The following KCNG2 variants were observed in gnomAD, a reference collection of about 807,000 sequenced individuals.
The protein encoded by KCNG2 is voltage-gated potassium channel regulatory subunit KCNG2.
In KCNG2, 7 loss-of-function variants were observed where a neutral mutation model predicts 12.3. That is an observed-to-expected ratio of 0.57 (90% CI 0.32 to 1.07). The LOEUF is 1.07. Ranked by LOEUF, KCNG2 falls within the 50% of genes least tolerant of loss-of-function variation. The pLI, the probability that KCNG2 is intolerant of heterozygous loss-of-function variation, is 0.04. For synonymous variants in KCNG2, 414 were observed against 351.4 expected (o/e 1.18, Z -1.99); for missense variants, 703 against 726.0 (o/e 0.97, Z 0.36).
intron 3 of KCNG2, among the ~76,000 whole-genome samples, chr18:79,866,673 CTG>C: frequency 2.0e-5 from 1 of 50,024 alleles, no homozygotes; most frequent in East Asian, 8.1e-4. Flanking sequence ...GGTCTGGGTG[CTG>C]AGAGGTCTGG....
At chr18:79,820,833 G>A (rs1009722939) in intron 1 of KCNG2, among the ~76,000 whole-genome samples, 4 of 151,916 alleles carry the variant, frequency 2.6e-5, no homozygotes, top group Non-Finnish European at 5.9e-5. Flanking sequence ...ATTTTTTGTA[G>A]AGAGAGGGTC....
At chr18:79,823,186 C>T (rs2087584934) in intron 1 of KCNG2, among the ~76,000 whole-genome samples, 1 of 152,216 alleles carries the variant, frequency 6.6e-6, no homozygotes, top group Non-Finnish European at 1.5e-5. Context: ...TCGTGGCAGG[C>T]CTTACAGACC....
At chr18:79,835,537 G>A (rs772525041) in intron 1 of KCNG2, among the ~76,000 whole-genome samples, 18 of 152,210 alleles carry the variant, frequency 1.2e-4, no homozygotes, top group Non-Finnish European at 1.9e-4. Flanking sequence ...AATGGAATGG[G>A]AAACTCAATG....
At chr18:79,888,435 CCGGGACGGCGGCG>C (rs1568272189) in intron 3 of KCNG2, among the ~76,000 whole-genome samples, 25 of 136,468 alleles carry the variant, frequency 1.8e-4, no homozygotes, top group Admixed American at 8.0e-4. Context: ...CGCGGTGGGG[CCGGGACGGCGGCG>C]TCCTCCTCAT....
chr18:79,801,978 G>T (rs8091998), intron 1 of KCNG2, among the ~76,000 whole-genome samples: 29,831 of 152,162 alleles, frequency 0.2, 3,068 homozygotes, highest in Non-Finnish European at 0.22. Flanking sequence ...CAGGTGGTGG[G>T]TCAGGGTGGG....
At chr18:79,892,113 T>TAAAA (rs35997999) in intron 3 of KCNG2, among the ~76,000 whole-genome samples, 1 of 123,660 alleles carries the variant, frequency 8.1e-6, no homozygotes, top group Non-Finnish European at 1.7e-5. Flanking sequence ...AGACTCCGTC[T>TAAAA]AAAAAAAAAA....
At chr18:79,887,872 C>T (rs977345435) in intron 3 of KCNG2, among the ~76,000 whole-genome samples, 7 of 152,134 alleles carry the variant, frequency 4.6e-5, no homozygotes, top group African/African-American at 1.4e-4. Flanking sequence ...CCTTGAATGT[C>T]GATCAAGACT....
intron 3 of KCNG2, among the ~76,000 whole-genome samples, chr18:79,870,534 C>T (rs1979788785): frequency 6.6e-6 from 1 of 152,220 alleles, no homozygotes; most frequent in Non-Finnish European, 1.5e-5. Context: ...ATGGTGTGAG[C>T]ACCCACGGGC....
chr18:79,838,956 A>G (rs1978380347), intron 1 of KCNG2, among the ~76,000 whole-genome samples: 1 of 152,182 alleles, frequency 6.6e-6, no homozygotes, highest in Non-Finnish European at 1.5e-5. Context: ...CAGTAGAACA[A>G]TAGGGAAAAG....
At chr18:79,868,174 AG>A (rs1312597042) in intron 3 of KCNG2, among the ~76,000 whole-genome samples, 2 of 152,204 alleles carry the variant, frequency 1.3e-5, no homozygotes, top group African/African-American at 4.8e-5. Context: ...AAGTCACCCC[AG>A]GAACACCAGC....
intron 1 of KCNG2, among the ~76,000 whole-genome samples, chr18:79,820,226 C>T (rs376872863): frequency 2.0e-5 from 3 of 152,340 alleles, no homozygotes; most frequent in African/African-American, 7.2e-5. Context: ...TTTTCACTTC[C>T]TCCCCACCTT....
chr18:79,855,930 C>T (rs1309260426), intron 1 of KCNG2, among the ~76,000 whole-genome samples: 1 of 152,112 alleles, frequency 6.6e-6, no homozygotes, highest in Non-Finnish European at 1.5e-5. Context: ...TTGATGTGAA[C>T]TTTATGTCAG....
intron 1 of KCNG2, among the ~76,000 whole-genome samples, chr18:79,817,860 C>T (rs2087541629): frequency 6.6e-6 from 1 of 152,230 alleles, no homozygotes; most frequent in Non-Finnish European, 1.5e-5. Context: ...TCTCTCATTC[C>T]TGGTTTGAGC....
intron 3 of KCNG2, among the ~76,000 whole-genome samples, chr18:79,875,425 C>G (rs1980029464): frequency 6.6e-6 from 1 of 152,228 alleles, no homozygotes; most frequent in African/African-American, 2.4e-5. Flanking sequence ...CTTCACTGAA[C>G]CTCCACATAC....
chr18:79,810,125 A>C (rs1171450193), intron 1 of KCNG2, among the ~76,000 whole-genome samples: 3 of 152,168 alleles, frequency 2.0e-5, no homozygotes, highest in East Asian at 3.9e-4. Flanking sequence ...TGGGCTTCTC[A>C]TGTGCAAAGG....
At chr18:79,851,586 C>T (rs868865717) in intron 1 of KCNG2, among the ~76,000 whole-genome samples, 24 of 151,514 alleles carry the variant, frequency 1.6e-4, no homozygotes, top group Admixed American at 1.1e-3. Context: ...TTTCAAGCTA[C>T]GCTGTGTGTG....
chr18:79,838,947 A>G (rs763906984), intron 1 of KCNG2, among the ~76,000 whole-genome samples: 1 of 152,230 alleles, frequency 6.6e-6, no homozygotes, highest in African/African-American at 2.4e-5. Flanking sequence ...CGCTTAGCCC[A>G]GTAGAACAAT....
intron 3 of KCNG2, among the ~76,000 whole-genome samples, chr18:79,875,362 G>T (rs1261004366): frequency 6.6e-6 from 1 of 151,986 alleles, no homozygotes; most frequent in African/African-American, 2.4e-5. Flanking sequence ...GCTCCCCTTG[G>T]TCTAGCACCA....
At chr18:79,879,337 G>A (rs550454582) in intron 3 of KCNG2, among the ~76,000 whole-genome samples, 104 of 152,156 alleles carry the variant, frequency 6.8e-4, no homozygotes, top group African/African-American at 1.8e-3. Context: ...GCAGTTTAGC[G>A]CCCCCGTCTC....
Sources: gnomAD v4.1 joint callset for allele counts (sites outside exome capture counted in the v4.1 genomes callset) on GRCh38, gnomAD v4.1.1 for gene constraint, MANE v1.5 for transcripts, NCBI Gene and HGNC (gene_info 2026-07-23, HGNC 2026-07-21) for gene names.